The following FHOD3 variants were observed in gnomAD, a reference collection of about 807,000 sequenced individuals.
The protein encoded by FHOD3 is FH1/FH2 domain-containing protein 3.
FHOD3 carries 90 observed loss-of-function variants against 173.0 expected under a neutral mutation model. The ratio of observed to expected loss-of-function variants is 0.52; its 90% confidence interval spans 0.44 to 0.62. FHOD3 has a LOEUF of 0.62. Ranked by LOEUF, FHOD3 falls within the 20% of genes least tolerant of loss-of-function variation. The pLI is 0.00. For synonymous variants in FHOD3, 828 were observed against 823.0 expected, an observed-to-expected ratio of 1.01 and a Z score of -0.10; for missense variants, 1,945 against 2,034.7, an observed-to-expected ratio of 0.96 and a Z score of 0.85.
At chr18:36,364,810 A>G (rs2046816203) in intron 2 of FHOD3, among the ~76,000 whole-genome samples, 1 of 152,212 alleles carries the variant, frequency 6.6e-6, no homozygotes, top group South Asian at 2.1e-4. Context: ...TGGGCGGTTG[A>G]GGACACTGTG....
At chr18:36,409,538 C>A (rs550139086) in intron 3 of FHOD3, among the ~76,000 whole-genome samples, 1 of 152,220 alleles carries the variant, frequency 6.6e-6, no homozygotes, top group South Asian at 2.1e-4. Context: ...ATTCATTTCC[C>A]CCTCTACTGG....
chr18:36,718,848 T>G (rs962255853), intron 19 of FHOD3, 133 bp downstream of exon 19: 4 of 1,424,154 alleles, frequency 2.8e-6, no homozygotes, highest in African/African-American at 2.9e-5. Context: ...ATTTGATCTT[T>G]AATATAGTGT....
At chr18:36,361,439 A>C (rs2046609302) in intron 2 of FHOD3, among the ~76,000 whole-genome samples, 1 of 152,090 alleles carries the variant, frequency 6.6e-6, no homozygotes, top group Non-Finnish European at 1.5e-5. Context: ...TAATCCCAGC[A>C]CTTTGGGAGG....
chr18:36,609,600 T>C (rs1010838267), intron 8 of FHOD3, among the ~76,000 whole-genome samples: 1 of 149,892 alleles, frequency 6.7e-6, no homozygotes, highest in Non-Finnish European at 1.5e-5. Context: ...CCCGAGTCTT[T>C]TTAGTTCTTT....
At position 36,779,921 on chromosome 18, in the gene FHOD3, A is replaced by G. The variant is rs552064826; in HGVS notation, c.*391A>G. ...GTCTCCACAACACCAAAATATCCAG[A>G]TGTAAACCCCAAACTTGTACACAAA... On this transcript the variant is annotated 3_prime_UTR_variant, in exon 29 of 29. Transcript: ENST00000590592. 48 of 425,698 alleles carry G rather than the reference A, an allele frequency of 1.1e-4. No homozygotes were observed. Among genetic ancestry groups the G allele is most frequent in the African/African-American group, 9.5e-4 (47 of 49,724 alleles). The allele number at this position is 425,698 out of a possible 1,614,324, so 26.4% of individuals were successfully genotyped here.
At chr18:36,415,268 C>A (rs1188809746) in intron 3 of FHOD3, among the ~76,000 whole-genome samples, 1 of 152,152 alleles carries the variant, frequency 6.6e-6, no homozygotes, top group Non-Finnish European at 1.5e-5. Context: ...AGAGGCCCAT[C>A]CTGAATGTTT....
rs958528349 is a variant in FHOD3 at position 36,409,096 on chromosome 18, G to A, written c.337+36352G>A. On this transcript the variant is annotated intron_variant, in intron 3 of 28. Transcript: ENST00000590592. Reference sequence around the variant, plus strand: ...TGCTTCTCACCGGGCTGAGTCTTGCGGCCCGGCAAATTCCTTCCCTTTCCA... The same window carrying A: ...TGCTTCTCACCGGGCTGAGTCTTGCAGCCCGGCAAATTCCTTCCCTTTCCA... Among the ~76,000 whole-genome samples, 7 of 152,190 alleles carry A rather than the reference G, an allele frequency of 4.6e-5. No individual in the cohort carries two copies. In the South Asian group the frequency reaches 6.2e-4, roughly 14 times the overall value.
intron 24 of FHOD3, among the ~76,000 whole-genome samples, chr18:36,747,764 A>G (rs187666886): frequency 6.6e-6 from 1 of 152,326 alleles, no homozygotes; most frequent in Non-Finnish European, 1.5e-5. Context: ...TGCCACCAGA[A>G]AGCAGTGGTA....
intron 27 of FHOD3, among the ~76,000 whole-genome samples, chr18:36,763,081 TTATA>T (rs896617903): frequency 1.3e-5 from 2 of 148,484 alleles, no homozygotes; most frequent in African/African-American, 4.9e-5. Context: ...ATTATACACG[TTATA>T]TATAATATGC....
At chr18:36,581,153 A>G (rs1014761920) in intron 6 of FHOD3, among the ~76,000 whole-genome samples, 1 of 152,268 alleles carries the variant, frequency 6.6e-6, no homozygotes, top group African/African-American at 2.4e-5. Flanking sequence ...AGTGTTTTCA[A>G]TAAAGTGTTT....
intron 27 of FHOD3, among the ~76,000 whole-genome samples, chr18:36,761,870 G>T (rs1196801792): frequency 1.3e-5 from 2 of 152,110 alleles, no homozygotes; most frequent in Non-Finnish European, 1.5e-5. Flanking sequence ...AGTGTGAAAG[G>T]GGGTGCTAGT....
intron 6 of FHOD3, among the ~76,000 whole-genome samples, chr18:36,594,568 C>T (rs990908839): frequency 6.6e-6 from 1 of 152,070 alleles, no homozygotes; most frequent in Non-Finnish European, 1.5e-5. Context: ...AGGCAGGGAA[C>T]TTTGTACCTC....
At chr18:36,760,979 G>A (rs2042853138) in intron 27 of FHOD3, among the ~76,000 whole-genome samples, 197 bp downstream of exon 27, 1 of 152,148 alleles carries the variant, frequency 6.6e-6, no homozygotes, top group Non-Finnish European at 1.5e-5. Flanking sequence ...ACATTCCCAC[G>A]AGAGTACCTC....
At chr18:36,763,571 C>T (rs1198699332) in intron 27 of FHOD3, among the ~76,000 whole-genome samples, 2 of 141,636 alleles carry the variant, frequency 1.4e-5, no homozygotes, top group African/African-American at 2.7e-5. Context: ...GTATTATACA[C>T]GTTATATATA....
At chr18:36,313,549 C>A (rs1477081018) in intron 1 of FHOD3, among the ~76,000 whole-genome samples, 1 of 152,176 alleles carries the variant, frequency 6.6e-6, no homozygotes, top group Non-Finnish European at 1.5e-5. Flanking sequence ...TTGAGACTGG[C>A]TTCTTCACTC....
intron 28 of FHOD3, among the ~76,000 whole-genome samples, chr18:36,770,522 TCTGATGAGA>T (rs1217202762): frequency 6.6e-6 from 1 of 152,190 alleles, no homozygotes; most frequent in Non-Finnish European, 1.5e-5. Context: ...TGCTTTCGTT[TCTGATGAGA>T]ATTTTTCCCC....
intron 3 of FHOD3, among the ~76,000 whole-genome samples, chr18:36,433,939 G>A (rs1362516000): frequency 5.3e-5 from 8 of 152,078 alleles, no homozygotes; most frequent in African/African-American, 1.9e-4. Flanking sequence ...TACCACAATC[G>A]AGGTTTAGAA....
chr18:36,509,892 G>A (rs956374742), intron 4 of FHOD3, among the ~76,000 whole-genome samples: 2 of 152,206 alleles, frequency 1.3e-5, no homozygotes, highest in Non-Finnish European at 1.5e-5. Flanking sequence ...CAAGGAAGAA[G>A]CTGCTTGTTA....
chr18:36,421,584 A>G (rs2049987884), intron 3 of FHOD3, among the ~76,000 whole-genome samples: 1 of 152,246 alleles, frequency 6.6e-6, no homozygotes, highest in African/African-American at 2.4e-5. Context: ...AACATTTCAT[A>G]GCGGTAAAGG....
Sources: allele counts gnomAD v4.1 joint callset (sites outside exome capture counted in the v4.1 genomes callset), GRCh38; gene constraint gnomAD v4.1.1; transcripts MANE v1.5; gene names NCBI Gene and HGNC (gene_info 2026-07-23, HGNC 2026-07-21).